The following ANGPT4 variants were observed in gnomAD, a reference collection of about 807,000 sequenced individuals.
ANGPT4 encodes the protein angiopoietin-4.
ANGPT4 carries 50 observed loss-of-function variants against 53.0 expected under a neutral mutation model. The ratio of observed to expected loss-of-function variants is 0.94; its 90% CI spans 0.75 to 1.20. ANGPT4 has a LOEUF of 1.20. Ranked by LOEUF, ANGPT4 falls within the 50% of genes most tolerant of loss-of-function variation. The pLI, the probability that ANGPT4 is intolerant of heterozygous loss-of-function variation, is 0.00. For missense variants in ANGPT4, 648 were observed against 637.1 expected (o/e 1.02, Z -0.18); for synonymous variants, 251 against 259.7 (o/e 0.97, Z 0.32).
In ANGPT4 at chr20:905,477, G is replaced by T. The variant is rs1982445527; in HGVS notation, c.309+10429C>A. Among the ~76,000 whole-genome samples, 3 of 152,268 alleles carry T rather than the reference G, an allele frequency of 2.0e-5. No homozygotes were observed. In the South Asian group the frequency reaches 6.2e-4, roughly 32 times the overall value. On this transcript the variant is annotated intron_variant, in intron 1 of 8. Coordinates refer to ENST00000381922, the MANE Select transcript of ANGPT4 (RefSeq NM_015985.4). ...AGCCTCGAGCCCAGGCCCAGCCACT[G>T]CTGGAGCCTGTGAGAGGCAAAGGCA...
At chr20:894,053 G>C (rs1981951916) in intron 1 of ANGPT4, among the ~76,000 whole-genome samples, 1 of 152,014 alleles carries the variant, frequency 6.6e-6, no homozygotes. Context: ...CAAAGGGAGG[G>C]GACCCAAAGG....
intron 1 of ANGPT4, among the ~76,000 whole-genome samples, chr20:895,981 A>G (rs894361816): frequency 1.3e-5 from 2 of 152,186 alleles, no homozygotes; most frequent in African/African-American, 4.8e-5. Flanking sequence ...TGGTGGTTAC[A>G]TAACTGTATA....
chr20:915,835 C>G (rs1434952182), intron 1 of ANGPT4, 71 bp downstream of exon 1: 8 of 1,496,642 alleles, frequency 5.3e-6, no homozygotes, highest in Admixed American at 4.4e-5. Context: ...CTTGGATGGA[C>G]ACTCCACCTG....
At chr20:890,820 A>T (rs1187015732) in intron 1 of ANGPT4, among the ~76,000 whole-genome samples, 2 of 152,072 alleles carry the variant, frequency 1.3e-5, no homozygotes, top group Non-Finnish European at 2.9e-5. Flanking sequence ...TGGCTCCATG[A>T]CATCCCTCTA....
intron 5 of ANGPT4, 90 bp from the exon 6 acceptor site, chr20:879,938 A>G (rs1875065451): frequency 1.2e-6 from 1 of 831,082 alleles, no homozygotes; most frequent in Non-Finnish European, 1.8e-6. Context: ...AAGCAGACAG[A>G]CCCCCACAGA....
intron 1 of ANGPT4, among the ~76,000 whole-genome samples, chr20:893,292 C>T (rs949842146): frequency 2.6e-5 from 4 of 152,228 alleles, no homozygotes; most frequent in African/African-American, 4.8e-5. Context: ...ACAACACACT[C>T]TTACGGTATC....
intron 1 of ANGPT4, among the ~76,000 whole-genome samples, chr20:909,085 C>A (rs932898809): frequency 1.3e-5 from 2 of 152,120 alleles, no homozygotes; most frequent in East Asian, 1.9e-4. Flanking sequence ...TGCCCGGGTA[C>A]GAACTCACCT....
intron 2 of ANGPT4, among the ~76,000 whole-genome samples, chr20:888,864 C>T (rs1382547974): frequency 1.3e-5 from 2 of 152,204 alleles, no homozygotes; most frequent in African/African-American, 4.8e-5. Context: ...CATGTTTGCT[C>T]TGTTCAAAAG....
chr20:880,364 C>T (rs1981354390), intron 5 of ANGPT4, among the ~76,000 whole-genome samples: 2 of 152,044 alleles, frequency 1.3e-5, no homozygotes, highest in Admixed American at 6.6e-5. Flanking sequence ...GAGGGAGGAT[C>T]GCTTGAGCTC....
chr20:893,221 A>G (rs1600055163), intron 1 of ANGPT4, among the ~76,000 whole-genome samples: 1 of 152,240 alleles, frequency 6.6e-6, no homozygotes. Flanking sequence ...GTCACAAACC[A>G]CAGCCATACT....
chr20:885,000 C>T (rs921173070), intron 4 of ANGPT4, 78 bp downstream of exon 4: 5 of 1,583,394 alleles, frequency 3.2e-6, no homozygotes, highest in South Asian at 1.2e-5. Context: ...CGCCCAGAGA[C>T]CCTGGAGGGT....
At chr20:891,896 A>G (rs182184377) in intron 1 of ANGPT4, among the ~76,000 whole-genome samples, 2 of 152,274 alleles carry the variant, frequency 1.3e-5, no homozygotes, top group African/African-American at 4.8e-5. Flanking sequence ...CTCATTAAAA[A>G]TGTGAATTTC....
intron 1 of ANGPT4, among the ~76,000 whole-genome samples, chr20:904,391 C>G (rs1982401088): frequency 2.0e-5 from 3 of 152,230 alleles, no homozygotes; most frequent in Non-Finnish European, 4.4e-5. Flanking sequence ...CACATTCATC[C>G]AGGTAGACTT....
rs118011804 is a variant in ANGPT4, at chr20:897,370, T to A, written c.310-7002A>T. 1.6e-3 allele frequency among the ~76,000 whole-genome samples: 241 copies of A among 152,308 alleles called. 6 individuals are homozygous for A. In the East Asian group the frequency reaches 0.04, roughly 25 times the overall value. On this transcript the variant is annotated intron_variant, in intron 1 of 8. Transcript: ENST00000381922. ...AAGGAACATCTCACCAATTTCAAAT[T>A]GAGTAAACGGTCTTTTCACTCTCTT...
chr20:886,181 C>T (rs1981613660), intron 3 of ANGPT4, among the ~76,000 whole-genome samples: 1 of 152,142 alleles, frequency 6.6e-6, no homozygotes, highest in East Asian at 1.9e-4. Flanking sequence ...AGACTCAGCT[C>T]TTTCTTTTTG....
chr20:874,871 C>T (rs1234990476), intron 7 of ANGPT4, among the ~76,000 whole-genome samples: 1 of 152,110 alleles, frequency 6.6e-6, no homozygotes, highest in African/African-American at 2.4e-5. Context: ...GGCCACCATG[C>T]CCAGCTAATG....
chr20:915,319 G>A (rs879723780), intron 1 of ANGPT4, among the ~76,000 whole-genome samples: 9 of 151,182 alleles, frequency 6.0e-5, no homozygotes, highest in Admixed American at 1.3e-4. Flanking sequence ...ACAGGCCTTC[G>A]CCCCATGGTT....
At chr20:886,143 A>C (rs1448307374) in intron 3 of ANGPT4, among the ~76,000 whole-genome samples, 1 of 152,222 alleles carries the variant, frequency 6.6e-6, no homozygotes, top group African/African-American at 2.4e-5. Flanking sequence ...ATTTAGAAGC[A>C]AAGAGGAGTT....
At chr20:903,189 G>A (rs1374801690) in intron 1 of ANGPT4, among the ~76,000 whole-genome samples, 1 of 152,170 alleles carries the variant, frequency 6.6e-6, no homozygotes, top group Non-Finnish European at 1.5e-5. Flanking sequence ...CAGTTCCTGG[G>A]TCTCTGCCCA....
Sources: allele counts gnomAD v4.1 joint callset (sites outside exome capture counted in the v4.1 genomes callset), GRCh38; gene constraint gnomAD v4.1.1; transcripts MANE v1.5; gene names NCBI Gene and HGNC (gene_info 2026-07-23, HGNC 2026-07-21).